The following CDH4 variants were observed in gnomAD, a reference collection of about 807,000 sequenced individuals.
CDH4 encodes the protein cadherin-4.
In CDH4, 33 loss-of-function variants were observed where a neutral mutation model predicts 86.0. The ratio of observed to expected loss-of-function variants is 0.38; its 90% confidence interval spans 0.29 to 0.51. CDH4 has a LOEUF of 0.51. Ranked by LOEUF, CDH4 falls within the 20% of genes least tolerant of loss-of-function variation. The pLI is 0.86. For missense variants in CDH4, 1,114 were observed against 1,307.4 expected (o/e 0.85, Z 2.28); for synonymous variants, 555 against 549.4 (o/e 1.01, Z -0.14).
intron 3 of CDH4, among the ~76,000 whole-genome samples, chr20:61,769,073 C>A (rs1258055729): frequency 6.6e-6 from 1 of 152,182 alleles, no homozygotes; most frequent in African/African-American, 2.4e-5. Flanking sequence ...AGGGCCCCTG[C>A]TAGTGGCTGT....
At chr20:61,820,629 A>C (rs1249817771) in intron 4 of CDH4, among the ~76,000 whole-genome samples, 1 of 152,224 alleles carries the variant, frequency 6.6e-6, no homozygotes, top group East Asian at 1.9e-4. Context: ...CGGGGCTCCC[A>C]CACAGCAGTG....
chr20:61,652,294 CG>C (rs1285081376), intron 2 of CDH4, among the ~76,000 whole-genome samples: 33 of 152,288 alleles, frequency 2.2e-4, no homozygotes, highest in African/African-American at 7.9e-4. Flanking sequence ...CCTTTGTATA[CG>C]CAGCTATGTA....
At chr20:61,337,874 A>T (rs1448862943) in intron 2 of CDH4, among the ~76,000 whole-genome samples, 1 of 152,146 alleles carries the variant, frequency 6.6e-6, no homozygotes, top group Non-Finnish European at 1.5e-5. Flanking sequence ...TCCTCTGGTA[A>T]TTCTGAGATG....
Position 61,393,421 on chromosome 20 carries a change from C to G in CDH4, c.169+138484C>G, listed in dbSNP as rs1211672164. On this transcript the variant is annotated intron_variant, in intron 2 of 15. Coordinates refer to ENST00000614565, the MANE Select transcript of CDH4 (RefSeq NM_001794.5). This position sits in a 1 kb window ranked among gnomAD's most constrained non-coding sequence, Gnocchi z 4.3. ...CCAGCCCCTCTGATGTCGAGGACCC[C>G]CAGGGATTGGCAAAATTAAACCTGG... Among the ~76,000 whole-genome samples the G allele has an allele frequency of 6.6e-6, 1 of 152,158 alleles. No individual in the cohort carries two copies. The highest frequency in any genetic ancestry group is 1.5e-5 in the Non-Finnish European group (1 of 68,040).
chr20:61,405,901 C>G (rs912204952), intron 2 of CDH4, among the ~76,000 whole-genome samples: 2 of 152,084 alleles, frequency 1.3e-5, no homozygotes, highest in Non-Finnish European at 2.9e-5. Flanking sequence ...AAGATGGTCT[C>G]GATCTCCTGA....
chr20:61,419,533 G>C lies in CDH4; in HGVS notation c.169+164596G>C, dbSNP rs920145339. On this transcript the variant is annotated intron_variant, in intron 2 of 15. Coordinates refer to ENST00000614565, the MANE Select transcript of CDH4 (RefSeq NM_001794.5). Reference sequence around the variant, plus strand: ...CCAGTCGGCTGGTGCACAGAGCTAGGAGAGGGGATCGTTTGGCTTCCAGGC... The same window carrying C: ...CCAGTCGGCTGGTGCACAGAGCTAGCAGAGGGGATCGTTTGGCTTCCAGGC... 2.6e-5 allele frequency among the ~76,000 whole-genome samples: 4 copies of C among 152,172 alleles called. No individual in the cohort carries two copies. The East Asian group carries it at 7.7e-4, about 29-fold the overall frequency.
rs775890084 is a variant in CDH4, at chr20:61,518,006, G to A, written c.170-225557G>A. On this transcript the variant is annotated intron_variant, in intron 2 of 15. Transcript: ENST00000614565. The surrounding 1 kb of genome is among the most constrained non-coding windows in gnomAD (Gnocchi z 6.3). Reference sequence around the variant, plus strand: ...TGGGGCAGGAGCTGCCTGCCTCCCCGTGCGGGGAGGATGCCTCAGCCCAGG... The same window carrying A: ...TGGGGCAGGAGCTGCCTGCCTCCCCATGCGGGGAGGATGCCTCAGCCCAGG... 1.6e-4 allele frequency among the ~76,000 whole-genome samples: 24 copies of A among 147,262 alleles called. No individual in the cohort carries two copies. Among genetic ancestry groups the A allele is most frequent in the South Asian group, 4.9e-4 (2 of 4,114 alleles).
intron 2 of CDH4, among the ~76,000 whole-genome samples, chr20:61,422,469 C>CAAAAAAAAAAAAAAA (rs2085185449): frequency 7.1e-5 from 3 of 42,512 alleles, no homozygotes; most frequent in Non-Finnish European, 9.6e-5. Context: ...AAAAAAAAAC[C>CAAAAAAAAAAAAAAA]AAATCTCCCC....
In CDH4 at chr20:61,510,217, C is replaced by T. The variant is rs1000263934; in HGVS notation, c.170-233346C>T. Reference sequence around the variant, plus strand: ...TGCCAGCATCTATGCGCTCAGCACTCCCGCTCGTGGAGCTCAGGAAAGGAC... The same window carrying T: ...TGCCAGCATCTATGCGCTCAGCACTTCCGCTCGTGGAGCTCAGGAAAGGAC... On this transcript the variant is annotated intron_variant, in intron 2 of 15. Coordinates refer to ENST00000614565, the MANE Select transcript of CDH4 (RefSeq NM_001794.5). The surrounding 1 kb of genome is among the most constrained non-coding windows in gnomAD (Gnocchi z 4.2). 6.6e-6 allele frequency among the ~76,000 whole-genome samples: 1 copy of T among 152,226 alleles called. No homozygotes were observed. The highest frequency in any genetic ancestry group is 1.5e-5 in the Non-Finnish European group (1 of 68,036).
intron 7 of CDH4, among the ~76,000 whole-genome samples, chr20:61,877,933 A>C (rs1205870945): frequency 6.6e-6 from 1 of 152,072 alleles, no homozygotes; most frequent in East Asian, 1.9e-4. Context: ...GCAGGGGATG[A>C]GGTGTAACCC....
chr20:61,527,179 C>T lies in CDH4; in HGVS notation c.170-216384C>T, dbSNP rs561000544. 3.1e-4 allele frequency among the ~76,000 whole-genome samples: 47 copies of T among 152,366 alleles called. 1 individual carries two copies. In the South Asian group the frequency reaches 7.5e-3, roughly 24 times the overall value. On this transcript the variant is annotated intron_variant, in intron 2 of 15. Coordinates refer to ENST00000614565, the MANE Select transcript of CDH4 (RefSeq NM_001794.5). ...CAAGAGAATCACAATCAGTAACCAG[C>T]GCCCAGGCGCCCCTGGCACCCTCCC... is the stretch of plus-strand genomic sequence containing the variant.
chr20:61,846,733 G>C (rs1323973073), intron 5 of CDH4, among the ~76,000 whole-genome samples: 1 of 152,214 alleles, frequency 6.6e-6, no homozygotes, highest in Non-Finnish European at 1.5e-5. Flanking sequence ...CTTCAACTCT[G>C]TGAATTCCTG....
chr20:61,774,267 G>A (rs542584867), intron 4 of CDH4, among the ~76,000 whole-genome samples: 2 of 152,310 alleles, frequency 1.3e-5, no homozygotes, highest in Admixed American at 6.5e-5. Context: ...ATTTTCCTGT[G>A]AAATGCAGTT....
At chr20:61,730,601 C>T (rs73611565) in intron 2 of CDH4, among the ~76,000 whole-genome samples, 19 of 152,226 alleles carry the variant, frequency 1.2e-4, no homozygotes, top group Middle Eastern at 3.2e-3. Context: ...CCAGAGACCC[C>T]GGTGAGGAAG....
At chr20:61,804,727 A>T (rs1332383477) in intron 4 of CDH4, among the ~76,000 whole-genome samples, 1 of 152,150 alleles carries the variant, frequency 6.6e-6, no homozygotes, top group Non-Finnish European at 1.5e-5. Context: ...TCCAGAGGGG[A>T]GTCCCCGTGT....
chr20:61,855,369 A>G (rs1267002667), intron 6 of CDH4, among the ~76,000 whole-genome samples: 2 of 152,188 alleles, frequency 1.3e-5, no homozygotes, highest in African/African-American at 2.4e-5. Flanking sequence ...CACTGGAACC[A>G]TGGGCAGCTG....
At position 61,518,760 on chromosome 20, in the gene CDH4, T is replaced by A. The variant is rs1309967047; in HGVS notation, c.170-224803T>A. Among the ~76,000 whole-genome samples the A allele has an allele frequency of 6.6e-6, 1 of 151,382 alleles. No homozygotes were observed. The stretch of plus-strand genomic sequence containing the variant: ...ATCCATTCATCCATCCATTCGTACA[T>A]CCACCCATCATCCATCCTTTCATCC... On this transcript the variant is annotated intron_variant, in intron 2 of 15. Coordinates refer to ENST00000614565, the MANE Select transcript of CDH4 (RefSeq NM_001794.5). This position sits in a 1 kb window ranked among gnomAD's most constrained non-coding sequence, Gnocchi z 6.3.
chr20:61,661,084 C>CGGGGGGGG (rs56367674), intron 2 of CDH4, among the ~76,000 whole-genome samples: 2 of 74,860 alleles, frequency 2.7e-5, no homozygotes, highest in African/African-American at 8.2e-5. Context: ...GGAGGCATGG[C>CGGGGGGGG]GGGGGGGGGG....
intron 6 of CDH4, among the ~76,000 whole-genome samples, chr20:61,860,635 T>C (rs1983280709): frequency 6.6e-6 from 1 of 152,154 alleles, no homozygotes; most frequent in South Asian, 2.1e-4. Flanking sequence ...GCAAGGTTGC[T>C]GGGTTCTGTG....
Sources: gnomAD v4.1 joint callset for allele counts (sites outside exome capture counted in the v4.1 genomes callset) on GRCh38, gnomAD v4.1.1 for gene constraint, Gnocchi (gnomAD v3.1) non-coding constraint, MANE v1.5 for transcripts, NCBI Gene and HGNC (gene_info 2026-07-23, HGNC 2026-07-21) for gene names.